MRPL37: variants seen among roughly 807,000 people sequenced by gnomAD.
The protein encoded by MRPL37 is mitochondrial ribosomal protein L37.
Under a neutral mutation model 44.1 loss-of-function variants are expected in MRPL37, and 34 were observed. The ratio of observed to expected loss-of-function variants is 0.77; its 90% confidence interval spans 0.59 to 1.03. The LOEUF (loss-of-function observed/expected upper bound fraction) is 1.03. Ranked by LOEUF, MRPL37 falls within the 50% of genes least tolerant of loss-of-function variation. MRPL37 has a pLI of 0.00. For synonymous variants in MRPL37, 212 were observed against 219.5 expected (o/e 0.97, Z 0.30); for missense variants, 532 against 543.7 (o/e 0.98, Z 0.21).
intron 1 of MRPL37, among the ~76,000 whole-genome samples, chr1:54,202,208 C>T (rs915579341): frequency 6.6e-6 from 1 of 151,810 alleles, no homozygotes; most frequent in Non-Finnish European, 1.5e-5. Context: ...CACCATGTTG[C>T]GCAGGCTGGT....
At chr1:54,218,403 G>A, downstream of MRPL37, 1 of 1,494,276 alleles carries the variant, frequency 6.7e-7, no homozygotes, top group Admixed American at 2.4e-5. Context: ...TGGTATGAGG[G>A]TGCCATCGGG....
downstream of MRPL37, chr1:54,220,792 G>A (rs183083504): frequency 4.9e-3 from 2,293 of 471,380 alleles, 10 homozygotes; most frequent in Non-Finnish European, 6.4e-3. Flanking sequence ...AGAGTGCTGC[G>A]CCGGGTCATG....
downstream of MRPL37, chr1:54,220,685 A>C (rs1553179937): frequency 2.1e-6 from 1 of 471,550 alleles, no homozygotes; most frequent in African/African-American, 2.0e-5. Flanking sequence ...CAGGAGAGGA[A>C]GTGATGCAGC....
intron 3 of MRPL37, 86 bp from the exon 4 acceptor site, chr1:54,209,860 G>C (rs998071927): frequency 4.3e-6 from 6 of 1,409,928 alleles, no homozygotes; most frequent in Non-Finnish European, 5.8e-6. Flanking sequence ...GCCTCCCAAA[G>C]TGCTGGGATT....
At chr1:54,220,571 C>T (rs935081586), downstream of MRPL37, 1 of 455,284 alleles carries the variant, frequency 2.2e-6, no homozygotes, top group African/African-American at 2.0e-5. Flanking sequence ...GTGTGAAGAG[C>T]TGGGAAGCTC....
rs1644130871 is a variant in MRPL37 at position 54,207,282 on chromosome 1, T to TC, written c.646+1872_646+1873insC. 2.0e-5 allele frequency: 3 copies of TC among 152,238 alleles called. No individual in the cohort carries two copies. In the South Asian group the frequency reaches 6.2e-4, roughly 31 times the overall value. 9.4% of individuals were successfully genotyped at this position (152,238 alleles called of 1,614,324 possible). A position where few individuals can be genotyped will look rare whatever the true frequency, so the allele number is the denominator to read the frequency against. ...CATATCTTACTCACATTGTCCACAG[T>TC]GTCTAACAGTTCATGGTACACAGTA... On this transcript the variant is annotated intron_variant, in intron 3 of 6. Coordinates refer to ENST00000360840, the MANE Select transcript of MRPL37 (RefSeq NM_016491.4).
At chr1:54,217,966 AGTT>A (rs749281632) in intron 6 of MRPL37, among the ~76,000 whole-genome samples, 3 of 152,182 alleles carry the variant, frequency 2.0e-5, no homozygotes, top group African/African-American at 4.8e-5. Context: ...CAGCGTCAAC[AGTT>A]GTTTTGGCTG....
intron 1 of MRPL37, among the ~76,000 whole-genome samples, chr1:54,202,917 G>T (rs921759502): frequency 6.6e-6 from 1 of 152,222 alleles, no homozygotes; most frequent in Non-Finnish European, 1.5e-5. Flanking sequence ...TCATTGAGAA[G>T]AATATAGTAT....
Position 54,218,376 on chromosome 1 carries a change from G to T in MRPL37, c.*127G>T. 1 of 1,548,332 alleles carries T rather than the reference G, an allele frequency of 6.5e-7. No homozygotes were observed. The highest frequency in any genetic ancestry group is 8.7e-7 in the Non-Finnish European group (1 of 1,153,904). On this transcript the variant is annotated 3_prime_UTR_variant, in exon 7 of 7. Transcript: ENST00000360840. Reference sequence around the variant, plus strand: ...GCTGACAATAAAGAGCCCTTGCGTTGCACTGAAGCCTGTGTTTGGTATGAG... The same window carrying T: ...GCTGACAATAAAGAGCCCTTGCGTTTCACTGAAGCCTGTGTTTGGTATGAG...
In MRPL37 at chr1:54,206,269, C is replaced by T. The variant is rs544026609; in HGVS notation, c.646+859C>T. Among the ~76,000 whole-genome samples the T allele has an allele frequency of 4.9e-4, 74 of 151,836 alleles. No homozygotes were observed. In the East Asian group the frequency reaches 7.4e-3, roughly 15 times the overall value. ...CTGGGACTACAGGCGCCCGCCACCACGCCCAGCTAATTTTTTGTATTTTTA... is the reference window on the plus strand; with the variant it reads ...CTGGGACTACAGGCGCCCGCCACCATGCCCAGCTAATTTTTTGTATTTTTA... On this transcript the variant is annotated intron_variant, in intron 3 of 6. Transcript: ENST00000360840.
chr1:54,221,924 C>T (rs568664498), downstream of MRPL37, among the ~76,000 whole-genome samples: 2 of 152,292 alleles, frequency 1.3e-5, no homozygotes, highest in South Asian at 4.1e-4. Context: ...CCTCTGGGAG[C>T]TCCTGGGGTA....
At chr1:54,215,366 C>G (rs1041652378) in intron 5 of MRPL37, among the ~76,000 whole-genome samples, 1 of 152,186 alleles carries the variant, frequency 6.6e-6, no homozygotes, top group Non-Finnish European at 1.5e-5. Flanking sequence ...TGATGTAAAA[C>G]TGGCAAGATG....
chr1:54,216,171 G>A lies in MRPL37; in HGVS notation c.1021G>A (p.Val341Met), dbSNP rs760761405. ...TGCCAAGGTCTTGGAGCAGCCCGTG[G>A]TGGTGCAGAGCGTGGGCACGGATGG... is the stretch of plus-strand genomic sequence containing the variant. ...NDAKVLEQPV[V>M]VQSVGTDGRV... Residue 341 changes from valine to methionine, a missense_variant, in exon 6 of 7, where the codon GTG (valine) becomes ATG (methionine). Physicochemically the swap from Val to Met is conservative, Grantham distance 21 (BLOSUM62 1). Transcript: ENST00000360840. The A allele has an allele frequency of 3.1e-6, 5 of 1,614,224 alleles. No homozygotes were observed. Among genetic ancestry groups the A allele is most frequent in the East Asian group, 2.2e-5 (1 of 44,888 alleles).
At chr1:54,206,025 C>T (rs1040763686) in intron 3 of MRPL37, among the ~76,000 whole-genome samples, 1 of 152,218 alleles carries the variant, frequency 6.6e-6, no homozygotes. Context: ...GCTTTCACAC[C>T]ATGTGCCTTT....
downstream of MRPL37, among the ~76,000 whole-genome samples, chr1:54,223,968 C>G (rs1319398110): frequency 2.6e-5 from 4 of 152,202 alleles, no homozygotes; most frequent in Admixed American, 2.6e-4. Context: ...AAGGCAACTG[C>G]CAGGCTGCCG....
downstream of MRPL37, chr1:54,225,124 G>A (rs1431395974): frequency 4.1e-6 from 5 of 1,234,220 alleles, no homozygotes; most frequent in Non-Finnish European, 5.1e-6. Context: ...TCTACTTCCA[G>A]AAAAATAAAA....
intron 1 of MRPL37, among the ~76,000 whole-genome samples, chr1:54,202,658 G>A (rs1253746067): frequency 6.6e-6 from 1 of 152,110 alleles, no homozygotes; most frequent in African/African-American, 2.4e-5. Context: ...ATGCTGTCAT[G>A]CCTGGCTAAT....
In MRPL37 at chr1:54,212,653, T is replaced by C. The variant is rs1644173233; in HGVS notation, c.985T>C (p.Tyr329His). ...TGCCCTGGCTCAGGCCCGGCTCCTCTATGGGGTATGTAGGTGGAGAAGACC... is the reference window on the plus strand; with the variant it reads ...TGCCCTGGCTCAGGCCCGGCTCCTCCATGGGGTATGTAGGTGGAGAAGACC... ...GSALAQARLL[Y>H]GNDAKVLEQP... Residue 329 changes from tyrosine (Y) to histidine (H), a missense_variant, in exon 5 of 7, where the codon TAT becomes CAT. Physicochemically the swap from Tyr to His is moderately conservative, Grantham distance 83. Coordinates refer to ENST00000360840, the MANE Select transcript of MRPL37 (RefSeq NM_016491.4). 1.2e-6 allele frequency: 2 copies of C among 1,614,212 alleles called. No homozygotes were observed. The highest frequency in any genetic ancestry group is 1.7e-6 in the Non-Finnish European group (2 of 1,180,028).
downstream of MRPL37, among the ~76,000 whole-genome samples, chr1:54,223,643 C>T (rs1403916874): frequency 1.3e-5 from 2 of 152,196 alleles, no homozygotes; most frequent in Non-Finnish European, 2.9e-5. Context: ...CCTGGTCCTA[C>T]CTCTGGCCCC....
Sources: gnomAD v4.1 joint callset for allele counts (sites outside exome capture counted in the v4.1 genomes callset) on GRCh38, gnomAD v4.1.1 for gene constraint, MANE v1.5 for transcripts, NCBI Gene and HGNC (gene_info 2026-07-23, HGNC 2026-07-21) for gene names.